LRRIQ3: variants seen among roughly 807,000 people sequenced by gnomAD.
LRRIQ3 encodes leucine rich repeats and IQ motif containing 3.
In LRRIQ3, 75 loss-of-function variants were observed where a neutral mutation model predicts 59.3. The observed-to-expected ratio is 1.26, with a 90% CI of 1.05 to 1.53. LRRIQ3 has a LOEUF of 1.53. Among genes scored for constraint, LRRIQ3 ranks in the 40% most tolerant of loss-of-function variants. The probability of loss-of-function intolerance (pLI) is 0.00; values close to 1 mark genes in which losing one functional copy is unlikely to be tolerated. For missense variants in LRRIQ3, 831 were observed against 710.0 expected, an observed-to-expected ratio of 1.17 and a Z score of -1.94; for synonymous variants, 250 against 231.3, an observed-to-expected ratio of 1.08 and a Z score of -0.73.
At chr1:74,032,939 T>C (rs1193282462) in intron 7 of LRRIQ3, among the ~76,000 whole-genome samples, 1 of 151,978 alleles carries the variant, frequency 6.6e-6, no homozygotes, top group Admixed American at 6.6e-5. Flanking sequence ...CTGTGGTAAA[T>C]ATAAAATATA....
intron 7 of LRRIQ3, among the ~76,000 whole-genome samples, chr1:74,039,725 C>G (rs1252485282): frequency 1.3e-5 from 2 of 152,280 alleles, no homozygotes; most frequent in Admixed American, 1.3e-4. Context: ...CCTTTCCAGA[C>G]AAGCAAATGC....
At chr1:74,090,773 A>G (rs980859507) in intron 5 of LRRIQ3, among the ~76,000 whole-genome samples, 4 of 151,940 alleles carry the variant, frequency 2.6e-5, no homozygotes, top group Non-Finnish European at 4.4e-5. Flanking sequence ...GTGTGCCTGT[A>G]TTACCAACTA....
intron 4 of LRRIQ3, among the ~76,000 whole-genome samples, chr1:74,114,925 C>T (rs1362696549): frequency 6.6e-6 from 1 of 151,622 alleles, no homozygotes; most frequent in Non-Finnish European, 1.5e-5. Context: ...ATAAATTCCC[C>T]TTTTATTCTT....
At chr1:74,183,723 C>T in intron 1 of LRRIQ3, 39 bp from the exon 2 acceptor site, 2 of 1,389,964 alleles carry the variant, frequency 1.4e-6, no homozygotes, top group Non-Finnish European at 1.9e-6. Flanking sequence ...TTTTTTTCCA[C>T]TTTCAAAAAT....
chr1:74,176,099 TTTTC>T (rs1338777220), intron 3 of LRRIQ3, among the ~76,000 whole-genome samples: 1 of 152,176 alleles, frequency 6.6e-6, no homozygotes, highest in Admixed American at 6.5e-5. Context: ...TCTTTTATCA[TTTTC>T]TTTCTATGTA....
At chr1:74,156,332 T>A (rs1648326509) in intron 3 of LRRIQ3, among the ~76,000 whole-genome samples, 1 of 152,118 alleles carries the variant, frequency 6.6e-6, no homozygotes. Context: ...TATAGAAACA[T>A]GAGCCAAAAT....
chr1:74,180,630 G>T, intron 3 of LRRIQ3: 1 of 1,252,486 alleles, frequency 8.0e-7, no homozygotes, highest in Non-Finnish European at 1.1e-6. Context: ...TCCACACTCA[G>T]TGTGAAAAGT....
intron 6 of LRRIQ3, 40 bp downstream of exon 6, chr1:74,074,597 TTATATTATTTACTCTTCATCAAAA>T: frequency 2.6e-6 from 2 of 761,672 alleles, no homozygotes; most frequent in Non-Finnish European, 1.8e-6. Flanking sequence ...CAATTTCTAA[TTATATTATTTACTCTTCATCAAAA>T]TATATTTATT....
At chr1:74,095,110 A>G (rs1646435320) in intron 5 of LRRIQ3, 1 of 152,006 alleles carries the variant, frequency 6.6e-6, no homozygotes, top group Admixed American at 6.6e-5. Context: ...CTTCTTCTTT[A>G]TTTCCTCTTC....
At chr1:74,074,473 T>G (rs569351943) in intron 6 of LRRIQ3, among the ~76,000 whole-genome samples, 188 bp downstream of exon 6, 3 of 152,126 alleles carry the variant, frequency 2.0e-5, no homozygotes, top group Non-Finnish European at 4.4e-5. Context: ...ATACACGGAT[T>G]ACATGTACTT....
intron 4 of LRRIQ3, among the ~76,000 whole-genome samples, chr1:74,147,795 CT>C (rs1474411724): frequency 1.3e-5 from 2 of 152,038 alleles, no homozygotes; most frequent in Non-Finnish European, 2.9e-5. Context: ...TTTTTGAGGA[CT>C]TTTAAGCTTT....
At chr1:74,071,652 T>G (rs1237161155) in intron 6 of LRRIQ3, among the ~76,000 whole-genome samples, 1 of 152,126 alleles carries the variant, frequency 6.6e-6, no homozygotes, top group Non-Finnish European at 1.5e-5. Context: ...TTTGTGTCAT[T>G]CTAATTTGAT....
chr1:74,113,017 AT>A (rs1646723797), intron 4 of LRRIQ3, among the ~76,000 whole-genome samples: 4 of 152,290 alleles, frequency 2.6e-5, no homozygotes, highest in African/African-American at 7.2e-5. Context: ...TTCAAAGCAG[AT>A]GTTATAAATA....
chr1:74,178,346 T>C (rs1053651516), intron 3 of LRRIQ3, among the ~76,000 whole-genome samples: 1 of 152,038 alleles, frequency 6.6e-6, no homozygotes, highest in African/African-American at 2.4e-5. Context: ...GTTTTTTTCA[T>C]ATAGACTGTT....
intron 1 of LRRIQ3, among the ~76,000 whole-genome samples, chr1:74,186,054 T>C (rs1415597630): frequency 6.7e-6 from 1 of 149,042 alleles, no homozygotes; most frequent in East Asian, 1.9e-4. Context: ...CAAAATTATA[T>C]ATATAATTAT....
intron 4 of LRRIQ3, among the ~76,000 whole-genome samples, chr1:74,121,720 C>G (rs962378048): frequency 3.4e-5 from 5 of 146,044 alleles, no homozygotes; most frequent in African/African-American, 7.6e-5. Context: ...TCTCCAAATG[C>G]TATCCCTCCC....
chr1:74,059,160 T>C (rs1178256949), intron 6 of LRRIQ3, among the ~76,000 whole-genome samples: 1 of 152,096 alleles, frequency 6.6e-6, no homozygotes, highest in African/African-American at 2.4e-5. Flanking sequence ...TTCACTTTCT[T>C]GATGGTATAC....
chr1:74,055,752 C>A (rs1014515652), intron 6 of LRRIQ3, among the ~76,000 whole-genome samples: 6 of 152,082 alleles, frequency 3.9e-5, no homozygotes, highest in Admixed American at 3.3e-4. Context: ...GTTCATATGG[C>A]AACTGTTTAA....
intron 3 of LRRIQ3, among the ~76,000 whole-genome samples, chr1:74,172,721 C>G (rs879711453): frequency 5.9e-5 from 9 of 152,016 alleles, no homozygotes; most frequent in Non-Finnish European, 7.4e-5. Context: ...TAACTGCTAA[C>G]GTTGCTTCAT....
Sources: allele counts gnomAD v4.1 joint callset (sites outside exome capture counted in the v4.1 genomes callset), GRCh38; gene constraint gnomAD v4.1.1; transcripts MANE v1.5; gene names NCBI Gene and HGNC (gene_info 2026-07-23, HGNC 2026-07-21).